Variants in BRIP1 observed in about 807,000 individuals in gnomAD.
BRIP1 encodes the protein BRCA1 interacting DNA helicase 1, also known as Fanconi anemia group J protein.
A neutral mutation model predicts 119.7 loss-of-function variants in BRIP1; 88 were observed. The ratio of observed to expected loss-of-function variants is 0.74; its 90% CI spans 0.62 to 0.88. The LOEUF is 0.88. Among genes scored for constraint, BRIP1 ranks in the 40% least tolerant of loss-of-function variants. The pLI is 0.00. For synonymous variants in BRIP1, 443 were observed against 496.5 expected (o/e 0.89, Z 1.43); for missense variants, 1,259 against 1,455.4 (o/e 0.87, Z 2.20).
In BRIP1 at chr17:61,724,344, T is replaced by C. The variant is rs916793183; in HGVS notation, c.2380-8281A>G. 2.6e-5 allele frequency among the ~76,000 whole-genome samples: 4 copies of C among 152,120 alleles called. No individual in the cohort carries two copies. Among genetic ancestry groups the C allele is most frequent in the African/African-American group, 4.8e-5 (2 of 41,432 alleles). On this transcript the variant is annotated intron_variant, in intron 16 of 19. Transcript: ENST00000259008. This position sits in a 1 kb window ranked among gnomAD's most constrained non-coding sequence, Gnocchi z 5.1. Reference sequence around the variant, plus strand: ...TTAAGTTCTCCATGCCTTGGTTTTATTGGAAACAGTATAAGTAGCAGAGCA... The same window carrying C: ...TTAAGTTCTCCATGCCTTGGTTTTACTGGAAACAGTATAAGTAGCAGAGCA...
Position 61,769,130 on chromosome 17 carries a change from G to A in BRIP1, c.2097+7271C>T, listed in dbSNP as rs1486313092. 2.0e-5 allele frequency among the ~76,000 whole-genome samples: 3 copies of A among 152,102 alleles called. No homozygotes were observed. Among genetic ancestry groups the A allele is most frequent in the Non-Finnish European group, 2.9e-5 (2 of 68,030 alleles). On this transcript the variant is annotated intron_variant, in intron 14 of 19. Transcript: ENST00000259008. This position sits in a 1 kb window ranked among gnomAD's most constrained non-coding sequence, Gnocchi z 4.9. ...GCAAACAAACTGAGGGACCCTGGAAGCTAATCTTTCCCCAGTCAAGCCTTT... is the reference window on the plus strand; with the variant it reads ...GCAAACAAACTGAGGGACCCTGGAAACTAATCTTTCCCCAGTCAAGCCTTT...
rs1296975377 is a variant in BRIP1, at chr17:61,804,565, T to A, written c.919-3091A>T. 6.6e-6 allele frequency among the ~76,000 whole-genome samples: 1 copy of A among 151,974 alleles called. No homozygotes were observed. The highest frequency in any genetic ancestry group is 2.4e-5 in the African/African-American group (1 of 41,398). On this transcript the variant is annotated intron_variant, in intron 7 of 19. Transcript: ENST00000259008. This position sits in a 1 kb window ranked among gnomAD's most constrained non-coding sequence, Gnocchi z 4.5. ...CACCATGCCCAGCTAATTTTTTGTA[T>A]TTTTAGTAGAGACAGGTTTTGCCAT...
rs1443331705 is a variant in BRIP1, at chr17:61,752,436, C to T, written c.2098-7845G>A. ...CACTAGAAGATTATCTAGGGAAATA[C>T]ACTTTGTTGAACTCACTGTTCACTA... On this transcript the variant is annotated intron_variant, in intron 14 of 19. Coordinates refer to ENST00000259008, the MANE Select transcript of BRIP1 (RefSeq NM_032043.3). The surrounding 1 kb of genome is among the most constrained non-coding windows in gnomAD (Gnocchi z 6.2). 1.3e-5 allele frequency among the ~76,000 whole-genome samples: 2 copies of T among 152,176 alleles called. No individual in the cohort carries two copies. The highest frequency in any genetic ancestry group is 2.9e-5 in the Non-Finnish European group (2 of 68,014).
intron 10 of BRIP1, among the ~76,000 whole-genome samples, chr17:61,787,026 A>C (rs1337148196): frequency 8.5e-6 from 1 of 117,290 alleles, no homozygotes; most frequent in East Asian, 2.4e-4. Flanking sequence ...AATTTTATTT[A>C]TAAATAAATT....
At chr17:61,818,531 A>C (rs1176344493) in intron 6 of BRIP1, among the ~76,000 whole-genome samples, 1 of 152,196 alleles carries the variant, frequency 6.6e-6, no homozygotes, top group East Asian at 1.9e-4. Flanking sequence ...GTAAGGTCAT[A>C]TGAAAGAGTG....
At chr17:61,688,691 A>G (rs573249073) in intron 18 of BRIP1, among the ~76,000 whole-genome samples, 1 of 152,108 alleles carries the variant, frequency 6.6e-6, no homozygotes, top group East Asian at 1.9e-4. Context: ...TACAAGAAAC[A>G]TAAAGAAACA....
chr17:61,777,542 A>G (rs1417732249), intron 13 of BRIP1, among the ~76,000 whole-genome samples: 1 of 152,186 alleles, frequency 6.6e-6, no homozygotes, highest in Non-Finnish European at 1.5e-5. Context: ...TCAGCTAGAA[A>G]TCGGGCATCC....
chr17:61,731,227 C>T (rs998892898), intron 16 of BRIP1, among the ~76,000 whole-genome samples: 2 of 152,186 alleles, frequency 1.3e-5, no homozygotes, highest in Admixed American at 6.5e-5. Context: ...CCAAAAATTC[C>T]AAGAGCAAGT....
Position 61,853,703 on chromosome 17 carries a change from T to G in BRIP1, c.379+3355A>C, listed in dbSNP as rs1265491349. Among the ~76,000 whole-genome samples, 1 of 152,092 alleles carries G rather than the reference T, an allele frequency of 6.6e-6. No homozygotes were observed. The highest frequency in any genetic ancestry group is 1.5e-5 in the Non-Finnish European group (1 of 68,010). On this transcript the variant is annotated intron_variant, in intron 4 of 19. Transcript: ENST00000259008. The surrounding 1 kb of genome is among the most constrained non-coding windows in gnomAD (Gnocchi z 4.3). ...AACTGGATATCCACATGCAAAAAAA[T>G]GAACTTGAATCCATACCTTACACCA...
At position 61,740,453 on chromosome 17, in the gene BRIP1, T is replaced by C. The variant is rs1342851519; in HGVS notation, c.2379+2560A>G. Among the ~76,000 whole-genome samples the C allele has an allele frequency of 2.6e-5, 4 of 152,188 alleles. No homozygotes were observed. Among genetic ancestry groups the C allele is most frequent in the Non-Finnish European group, 5.9e-5 (4 of 68,020 alleles). On this transcript the variant is annotated intron_variant, in intron 16 of 19. Coordinates refer to ENST00000259008, the MANE Select transcript of BRIP1 (RefSeq NM_032043.3). The surrounding 1 kb of genome is among the most constrained non-coding windows in gnomAD (Gnocchi z 5.4). ...GACCAGACTTTGAAAATAACTCCTGTTGACCAAAGACAGTATAAGTTGAAA... is the reference window on the plus strand; with the variant it reads ...GACCAGACTTTGAAAATAACTCCTGCTGACCAAAGACAGTATAAGTTGAAA...
At position 61,776,445 on chromosome 17, in the gene BRIP1, G is replaced by A. The variant is rs876659533; in HGVS notation, c.2053C>T (p.Gln685Ter). Residue 685 changes from glutamine to a stop codon, truncating the protein, a stop_gained, in exon 14 of 20, where the codon CAG becomes TAG. Coordinates refer to ENST00000259008, the MANE Select transcript of BRIP1 (RefSeq NM_032043.3). LOFTEE classifies it high-confidence loss of function. This position sits in a 1 kb window ranked among gnomAD's most constrained non-coding sequence, Gnocchi z 5.0. ...EVGALLLSVC[Q>*]TVSQGILCFL... Reference sequence around the variant, plus strand: ...CACAAAATTCCTTGGCTCACAGTCTGGCACACAGATAACAAAAGTGCTCCC... The same window carrying A: ...CACAAAATTCCTTGGCTCACAGTCTAGCACACAGATAACAAAAGTGCTCCC... 3 of 1,613,974 alleles carry A rather than the reference G, an allele frequency of 1.9e-6. No homozygotes were observed. Among genetic ancestry groups the A allele is most frequent in the Non-Finnish European group, 2.5e-6 (3 of 1,180,010 alleles).
In BRIP1 at chr17:61,693,068, A is replaced by G. The variant is rs971595789; in HGVS notation, c.2575+362T>C. Among the ~76,000 whole-genome samples the G allele has an allele frequency of 6.6e-6, 1 of 152,242 alleles. No individual in the cohort carries two copies. On this transcript the variant is annotated intron_variant, in intron 18 of 19. Transcript: ENST00000259008. This position sits in a 1 kb window ranked among gnomAD's most constrained non-coding sequence, Gnocchi z 4.2. ...TGAAAAGAAGGAAATCCTGCAACAT[A>G]GATGAACCTTGAGGACATTATGCTA...
intron 19 of BRIP1, chr17:61,685,523 C>T (rs1408778364): frequency 2.4e-6 from 1 of 408,868 alleles, no homozygotes; most frequent in Non-Finnish European, 4.4e-6. Flanking sequence ...CCTTTACAAC[C>T]CAACCTGAAG....
In BRIP1 at chr17:61,801,367, G is replaced by A. The variant is rs1603343281; in HGVS notation, c.1026C>T (p.Ser342=). ...GACAGGCCTTTAGTTTCTTCCCCAG[G>A]CTGACAAGTTCTTCTATATCCCAGG... ...CKAWDIEELV[S]LGKKLKACPY... The change falls in exon 8 of 20, where the codon AGC becomes AGT. Residue 342 remains serine, a synonymous_variant. Coordinates refer to ENST00000259008, the MANE Select transcript of BRIP1 (RefSeq NM_032043.3). The A allele has an allele frequency of 6.2e-7, 1 of 1,613,840 alleles. No homozygotes were observed. Among genetic ancestry groups the A allele is most frequent in the Non-Finnish European group, 8.5e-7 (1 of 1,179,820 alleles).
intron 10 of BRIP1, among the ~76,000 whole-genome samples, chr17:61,787,704 G>A (rs2077752486): frequency 6.6e-6 from 1 of 151,786 alleles, no homozygotes; most frequent in African/African-American, 2.4e-5. Context: ...GACTGCAGTG[G>A]CGCGATTTCG....
rs1266083524 is a variant in BRIP1 at position 61,778,238 on chromosome 17, G to A, written c.1936-1676C>T. ...AGTAAAATAAGCCAGTCACAAAAAC[G>A]ACAAATATTTTATGATTCCACTTAT... On this transcript the variant is annotated intron_variant, in intron 13 of 19. Coordinates refer to ENST00000259008, the MANE Select transcript of BRIP1 (RefSeq NM_032043.3). The surrounding 1 kb of genome is among the most constrained non-coding windows in gnomAD (Gnocchi z 4.4). Among the ~76,000 whole-genome samples the A allele has an allele frequency of 1.3e-5, 2 of 152,052 alleles. No individual in the cohort carries two copies.
chr17:61,744,519 T>G lies in BRIP1; in HGVS notation c.2170A>C (p.Ile724Leu), dbSNP rs2077032430. ...TTTTCTCCTCCCTGTGGTTCTACAATGACTGTCTTCACCAACTCCAGATTA... is the reference window on the plus strand; with the variant it reads ...TTTTCTCCTCCCTGTGGTTCTACAAGGACTGTCTTCACCAACTCCAGATTA... ...WHNLELVKTV[I>L]VEPQGGEKTN... is the part of the protein sequence containing the mutation. Residue 724 changes from isoleucine (I) to leucine (L), a missense_variant, in exon 15 of 20, where the codon ATT becomes CTT. Physicochemically the swap from Ile to Leu is conservative, Grantham distance 5 (BLOSUM62 2). This residue lies in a region of BRIP1 where 753 missense variants were observed against 891.8 expected (regional missense o/e 0.84). Coordinates refer to ENST00000259008, the MANE Select transcript of BRIP1 (RefSeq NM_032043.3). The surrounding 1 kb of genome is among the most constrained non-coding windows in gnomAD (Gnocchi z 5.0). The G allele has an allele frequency of 6.2e-7, 1 of 1,613,854 alleles. No homozygotes were observed. The highest frequency in any genetic ancestry group is 8.5e-7 in the Non-Finnish European group (1 of 1,179,780).
At chr17:61,791,678 T>A (rs2077819986) in intron 10 of BRIP1, among the ~76,000 whole-genome samples, 1 of 151,664 alleles carries the variant, frequency 6.6e-6, no homozygotes, top group Admixed American at 6.6e-5. Context: ...AAAAGTATAG[T>A]TTCATATTAC....
At position 61,807,513 on chromosome 17, in the gene BRIP1, T is replaced by C. The variant is rs1453658044; in HGVS notation, c.918+954A>G. 6.6e-6 allele frequency among the ~76,000 whole-genome samples: 1 copy of C among 152,098 alleles called. No individual in the cohort carries two copies. Among genetic ancestry groups the C allele is most frequent in the African/African-American group, 2.4e-5 (1 of 41,426 alleles). On this transcript the variant is annotated intron_variant, in intron 7 of 19. Transcript: ENST00000259008. The surrounding 1 kb of genome is among the most constrained non-coding windows in gnomAD (Gnocchi z 4.5). ...CCCTAAATAAAGTTTAAATAAATTT[T>C]CATCTATAAAAGAGAGTATTAAGGA...
Sources: gnomAD v4.1 joint callset for allele counts (sites outside exome capture counted in the v4.1 genomes callset) on GRCh38, gnomAD v4.1.1 for gene constraint, gnomAD v4.1.1 regional missense constraint, Gnocchi (gnomAD v3.1) non-coding constraint, MANE v1.5 for transcripts, NCBI Gene and HGNC (gene_info 2026-07-23, HGNC 2026-07-21) for gene names.